Variants in SUGCT observed in about 807,000 individuals in gnomAD.
SUGCT encodes succinyl-CoA:glutarate-CoA transferase, also known as succinyl-CoA:glutarate CoA-transferase.
In SUGCT, 41 loss-of-function variants were observed where a neutral mutation model predicts 55.0. The observed-to-expected ratio is 0.74, with a 90% CI of 0.58 to 0.97. The LOEUF (loss-of-function observed/expected upper bound fraction) is 0.97. Among genes scored for constraint, SUGCT ranks in the 50% least tolerant of loss-of-function variants. The pLI, the probability that SUGCT is intolerant of heterozygous loss-of-function variation, is 0.00. For synonymous variants in SUGCT, 187 were observed against 200.4 expected, an observed-to-expected ratio of 0.93 and a Z score of 0.56; for missense variants, 568 against 547.8, an observed-to-expected ratio of 1.04 and a Z score of -0.37.
chr7:40,185,352 T>A (rs1344947082), intron 3 of SUGCT, among the ~76,000 whole-genome samples: 1 of 152,208 alleles, frequency 6.6e-6, no homozygotes, highest in Non-Finnish European at 1.5e-5. Context: ...CATTTGTATT[T>A]CTATTAATTT....
At chr7:40,261,312 CT>C (rs919265295) in intron 7 of SUGCT, among the ~76,000 whole-genome samples, 2 of 152,256 alleles carry the variant, frequency 1.3e-5, no homozygotes, top group Admixed American at 6.5e-5. Flanking sequence ...GGCAATGAAT[CT>C]TCCAAAAGAT....
chr7:40,622,610 C>T (rs537260591), intron 12 of SUGCT, among the ~76,000 whole-genome samples: 1 of 142,198 alleles, frequency 7.0e-6, no homozygotes, highest in East Asian at 2.3e-4. Flanking sequence ...TACTGCTATA[C>T]CCACCCACTG....
At chr7:40,851,662 G>A (rs1423087218) in intron 13 of SUGCT, among the ~76,000 whole-genome samples, 5 of 152,208 alleles carry the variant, frequency 3.3e-5, no homozygotes, top group Admixed American at 6.5e-5. Context: ...GCTTAGAGAC[G>A]GGCATAACCT....
intron 11 of SUGCT, among the ~76,000 whole-genome samples, chr7:40,466,984 A>G (rs1380908538): frequency 6.6e-6 from 1 of 151,860 alleles, no homozygotes; most frequent in Non-Finnish European, 1.5e-5. Flanking sequence ...CAGGTGGATC[A>G]TGAGGTCAGG....
intron 6 of SUGCT, among the ~76,000 whole-genome samples, chr7:40,219,076 C>G (rs934147627): frequency 1.5e-4 from 23 of 152,230 alleles, no homozygotes; most frequent in Non-Finnish European, 7.4e-5. Flanking sequence ...ACTCCTGAAG[C>G]CAGCGAGACC....
At chr7:40,784,230 G>T (rs1022566575) in intron 13 of SUGCT, among the ~76,000 whole-genome samples, 1 of 152,092 alleles carries the variant, frequency 6.6e-6, no homozygotes, top group African/African-American at 2.4e-5. Context: ...GGTGAGGGGG[G>T]TAGTGAGTTT....
chr7:40,408,214 T>G (rs1725125223), intron 9 of SUGCT, among the ~76,000 whole-genome samples: 3 of 152,212 alleles, frequency 2.0e-5, no homozygotes, highest in Admixed American at 1.3e-4. Flanking sequence ...GCATATTCTA[T>G]TTATCATATA....
intron 13 of SUGCT, among the ~76,000 whole-genome samples, chr7:40,851,160 C>T (rs1377510262): frequency 6.6e-6 from 1 of 152,118 alleles, no homozygotes; most frequent in African/African-American, 2.4e-5. Context: ...CTCTAGAACC[C>T]ACAGTCTTAA....
chr7:40,249,307 A>G lies in SUGCT; in HGVS notation c.576+11581A>G, dbSNP rs562165284. 2.5e-3 allele frequency among the ~76,000 whole-genome samples: 241 copies of G among 96,348 alleles called. 1 individual carries two copies. Among genetic ancestry groups the G allele is most frequent in the Middle Eastern group, 4.2e-3 (1 of 236 alleles). The allele number at this position is 96,348 out of a possible 152,430, so 63.2% of individuals were successfully genotyped here. On this transcript the variant is annotated intron_variant, in intron 7 of 13. Coordinates refer to ENST00000335693, the MANE Select transcript of SUGCT (RefSeq NM_001193313.2). ...ACCTTGTCTTAAAACAAAAAACACCAAAAAGCTATATATATATATATATAT... is the reference window on the plus strand; with the variant it reads ...ACCTTGTCTTAAAACAAAAAACACCGAAAAGCTATATATATATATATATAT...
At chr7:40,779,652 T>A (rs1441599493) in intron 13 of SUGCT, among the ~76,000 whole-genome samples, 3 of 152,196 alleles carry the variant, frequency 2.0e-5, no homozygotes, top group African/African-American at 7.2e-5. Context: ...TTTATTTTAT[T>A]TGACCATTAA....
At chr7:40,775,680 T>C (rs1789412532) in intron 13 of SUGCT, 1 of 152,224 alleles carries the variant, frequency 6.6e-6, no homozygotes, top group African/African-American at 2.4e-5. Context: ...AAACCCAAGA[T>C]ACTAAACTGT....
chr7:40,941,088 C>T, the SUGCT span, among the ~76,000 whole-genome samples: 1 of 151,836 alleles, frequency 6.6e-6, no homozygotes, highest in Non-Finnish European at 1.5e-5. Flanking sequence ...TAAAGGGATG[C>T]TGGATCTTAT....
intron 6 of SUGCT, among the ~76,000 whole-genome samples, chr7:40,223,785 TGTA>T (rs200900248): frequency 0.017 from 2,658 of 152,350 alleles, 70 homozygotes; most frequent in African/African-American, 0.062. Flanking sequence ...TAAATAAAGA[TGTA>T]GACTGTACTT....
chr7:40,532,044 C>T (rs972523822), intron 12 of SUGCT, among the ~76,000 whole-genome samples: 2 of 152,196 alleles, frequency 1.3e-5, no homozygotes, highest in African/African-American at 4.8e-5. Flanking sequence ...TTTTGTCCTT[C>T]TGGGTAACCA....
intron 8 of SUGCT, among the ~76,000 whole-genome samples, chr7:40,306,847 T>G (rs1201826549): frequency 6.6e-6 from 1 of 152,228 alleles, no homozygotes; most frequent in African/African-American, 2.4e-5. Flanking sequence ...ATGTTTGATG[T>G]ATTATTCTCA....
intron 12 of SUGCT, among the ~76,000 whole-genome samples, chr7:40,517,704 T>C (rs1793318443): frequency 6.6e-6 from 1 of 152,150 alleles, no homozygotes; most frequent in Non-Finnish European, 1.5e-5. Flanking sequence ...TTCTTTGCTG[T>C]ATGCTCTGAG....
intron 9 of SUGCT, among the ~76,000 whole-genome samples, chr7:40,376,617 C>G (rs1784559406): frequency 6.6e-6 from 1 of 152,094 alleles, no homozygotes; most frequent in Admixed American, 6.6e-5. Flanking sequence ...GTTTCAAACT[C>G]TTGACCTCAG....
intron 9 of SUGCT, among the ~76,000 whole-genome samples, chr7:40,360,720 A>T (rs528187166): frequency 6.6e-6 from 1 of 152,334 alleles, no homozygotes; most frequent in East Asian, 1.9e-4. Context: ...GGAGCAGTGA[A>T]TATAACTGGA....
At chr7:40,380,366 C>T (rs1311527792) in intron 9 of SUGCT, among the ~76,000 whole-genome samples, 1 of 152,112 alleles carries the variant, frequency 6.6e-6, no homozygotes, top group African/African-American at 2.4e-5. Context: ...TTCCATAGTT[C>T]TGAAAAAGTT....
Sources: allele counts gnomAD v4.1 joint callset (sites outside exome capture counted in the v4.1 genomes callset), GRCh38; gene constraint gnomAD v4.1.1; transcripts MANE v1.5; gene names NCBI Gene and HGNC (gene_info 2026-07-23, HGNC 2026-07-21).